Variants in TMEM132D observed in about 807,000 individuals in gnomAD.
TMEM132D encodes the protein mature OL transmembrane protein.
Under a neutral mutation model 62.3 loss-of-function variants are expected in TMEM132D, and 21 were observed. That is an observed-to-expected ratio of 0.34 (90% CI 0.24 to 0.49). The LOEUF (loss-of-function observed/expected upper bound fraction) is 0.49. TMEM132D is among the 20% of genes least tolerant of loss of function. The pLI is 0.99. For synonymous variants in TMEM132D, 621 were observed against 575.6 expected, an observed-to-expected ratio of 1.08 and a Z score of -1.13; for missense variants, 1,346 against 1,402.8, an observed-to-expected ratio of 0.96 and a Z score of 0.65.
chr12:129,532,467 G>A (rs1876257449), intron 2 of TMEM132D, among the ~76,000 whole-genome samples: 1 of 152,178 alleles, frequency 6.6e-6, no homozygotes, highest in Admixed American at 6.5e-5. Context: ...CCAGGGCTTT[G>A]AGAAAAAGCA....
intron 1 of TMEM132D, among the ~76,000 whole-genome samples, chr12:129,719,945 G>A (rs1868758879): frequency 6.6e-6 from 1 of 152,062 alleles, no homozygotes; most frequent in Non-Finnish European, 1.5e-5. Context: ...AATTTTATGA[G>A]TGATCTGGGT....
At chr12:129,260,330 G>A (rs912061992) in intron 4 of TMEM132D, among the ~76,000 whole-genome samples, 5 of 152,002 alleles carry the variant, frequency 3.3e-5, no homozygotes, top group Non-Finnish European at 5.9e-5. Context: ...CACTTCCTTC[G>A]GCACCCTGGA....
At chr12:129,270,213 T>C (rs1469760901) in intron 4 of TMEM132D, among the ~76,000 whole-genome samples, 1 of 152,162 alleles carries the variant, frequency 6.6e-6, no homozygotes, top group Non-Finnish European at 1.5e-5. Flanking sequence ...TCTGTATCTC[T>C]GCCGAAAAGG....
intron 5 of TMEM132D, among the ~76,000 whole-genome samples, chr12:129,140,283 T>C (rs1319024447): frequency 2.0e-5 from 3 of 151,766 alleles, no homozygotes; most frequent in Non-Finnish European, 4.4e-5. Flanking sequence ...ATTTGCTTGA[T>C]TGTAGTAATT....
At chr12:129,653,523 A>G (rs1879986251) in intron 2 of TMEM132D, among the ~76,000 whole-genome samples, 1 of 152,212 alleles carries the variant, frequency 6.6e-6, no homozygotes, top group African/African-American at 2.4e-5. Flanking sequence ...TGGATAAGAT[A>G]ATTCGTATCA....
At chr12:129,837,582 A>G (rs1034964529) in intron 1 of TMEM132D, among the ~76,000 whole-genome samples, 1 of 152,230 alleles carries the variant, frequency 6.6e-6, no homozygotes, top group Non-Finnish European at 1.5e-5. Flanking sequence ...GTGAAAACCA[A>G]GGAGAAGTAA....
rs7953648 is a variant in TMEM132D at position 129,880,575 on chromosome 12, A to G, written c.79+22686T>C. On this transcript the variant is annotated intron_variant, in intron 1 of 8. Transcript: ENST00000422113. ...CAAAAATAAAATAAATGGCATCAGT[A>G]AAACCAAAAGTGGGAAAGAGGAATT... Among the ~76,000 whole-genome samples, 610 of 152,346 alleles carry G rather than the reference A, an allele frequency of 4.0e-3. 1 individual carries two copies. The highest frequency in any genetic ancestry group is 0.014 in the African/African-American group (592 of 41,582).
chr12:129,839,480 C>G lies in TMEM132D; in HGVS notation c.79+63781G>C, dbSNP rs1873114905. ...GTTTCACCATGTTGGCCAGGCTAGT[C>G]TTGAACTCCTGACCTCAGGTGATCC... On this transcript the variant is annotated intron_variant, in intron 1 of 8. Transcript: ENST00000422113. Among the ~76,000 whole-genome samples the G allele has an allele frequency of 3.3e-5, 5 of 151,770 alleles. No homozygotes were observed. The South Asian group carries it at 1.0e-3, about 32-fold the overall frequency.
At chr12:129,567,218 T>C (rs75585728) in intron 2 of TMEM132D, among the ~76,000 whole-genome samples, 1,971 of 152,356 alleles carry the variant, frequency 0.013, 49 homozygotes, top group African/African-American at 0.045. Flanking sequence ...AAAGAAAATG[T>C]GATTTTTTGA....
intron 1 of TMEM132D, among the ~76,000 whole-genome samples, chr12:129,850,057 T>C (rs1173941878): frequency 6.6e-6 from 1 of 152,218 alleles, no homozygotes; most frequent in Non-Finnish European, 1.5e-5. Flanking sequence ...TTCCCATATA[T>C]TTGTGGATTT....
chr12:129,825,071 TG>T (rs1251035687), intron 1 of TMEM132D, among the ~76,000 whole-genome samples: 1 of 150,258 alleles, frequency 6.7e-6, no homozygotes, highest in African/African-American at 2.5e-5. Flanking sequence ...TGGAGTACAG[TG>T]GCATGATCTC....
intron 3 of TMEM132D, among the ~76,000 whole-genome samples, chr12:129,403,204 T>C (rs1871671116): frequency 6.7e-6 from 1 of 150,156 alleles, no homozygotes; most frequent in African/African-American, 2.5e-5. Flanking sequence ...GAGTAATTCC[T>C]CTCCATTGAT....
In TMEM132D at chr12:129,285,539, A is replaced by AAAAAAAAAAAAAAAG. The variant is rs56018646; in HGVS notation, c.1299+52094_1299+52095insCTTTTTTTTTTTTTT. Among the ~76,000 whole-genome samples, 894 of 89,898 alleles carry AAAAAAAAAAAAAAAG rather than the reference A, an allele frequency of 9.9e-3. 135 individuals are homozygous for AAAAAAAAAAAAAAAG. Among genetic ancestry groups the AAAAAAAAAAAAAAAG allele is most frequent in the Admixed American group, 0.015 (101 of 6,584 alleles). The allele number at this position is 89,898 out of a possible 152,430, so 59.0% of individuals were successfully genotyped here. On this transcript the variant is annotated intron_variant, in intron 4 of 8. Coordinates refer to ENST00000422113, the MANE Select transcript of TMEM132D (RefSeq NM_133448.3). Reference sequence around the variant, plus strand: ...GAGACTGTGTCTCAAAAAAAAAAAAAAGAGAGAGAGAGAGAGGCTCCCATT... The same window carrying AAAAAAAAAAAAAAAG: ...GAGACTGTGTCTCAAAAAAAAAAAAAAAAAAAAAAAAAAAGAGAGAGAGAGAGAGAGGCTCCCATT...
intron 2 of TMEM132D, among the ~76,000 whole-genome samples, chr12:129,652,709 T>C (rs1879962352): frequency 6.6e-6 from 1 of 152,232 alleles, no homozygotes; most frequent in African/African-American, 2.4e-5. Context: ...CACCTTGACT[T>C]AGTCCAGTGA....
chr12:129,668,230 CATT>C (rs1403695615), intron 2 of TMEM132D, among the ~76,000 whole-genome samples: 1 of 146,420 alleles, frequency 6.8e-6, no homozygotes, highest in Non-Finnish European at 1.5e-5. Flanking sequence ...ATTTAGTGTA[CATT>C]ATTAGTGTAC....
chr12:129,681,321 G>T (rs1444435302), intron 2 of TMEM132D: 1 of 152,222 alleles, frequency 6.6e-6, no homozygotes, highest in African/African-American at 2.4e-5. Context: ...TGTGTAGCAG[G>T]TATATGGGCA....
intron 4 of TMEM132D, among the ~76,000 whole-genome samples, chr12:129,331,239 G>C (rs1024457697): frequency 2.0e-5 from 3 of 152,186 alleles, no homozygotes; most frequent in African/African-American, 7.2e-5. Context: ...TGGCACATTT[G>C]ATTCTTCACT....
intron 1 of TMEM132D, among the ~76,000 whole-genome samples, chr12:129,760,629 G>C (rs1348297368): frequency 6.9e-6 from 1 of 145,790 alleles, no homozygotes; most frequent in Admixed American, 7.2e-5. Context: ...TTACAGGCAT[G>C]AGTCACTGCG....
At chr12:129,519,711 C>T (rs1341913294) in intron 3 of TMEM132D, among the ~76,000 whole-genome samples, 1 of 151,740 alleles carries the variant, frequency 6.6e-6, no homozygotes, top group Admixed American at 6.6e-5. Flanking sequence ...TGGGTTCAAG[C>T]AATTCTCCTG....
Sources: gnomAD v4.1 joint callset for allele counts (sites outside exome capture counted in the v4.1 genomes callset) on GRCh38, gnomAD v4.1.1 for gene constraint, MANE v1.5 for transcripts, NCBI Gene and HGNC (gene_info 2026-07-23, HGNC 2026-07-21) for gene names.